The following MRTFB variants were observed in gnomAD, a reference collection of about 807,000 sequenced individuals.
MRTFB encodes the protein myocardin-related transcription factor B.
MRTFB carries 29 observed loss-of-function variants against 104.2 expected under a neutral mutation model. The ratio of observed to expected loss-of-function variants is 0.28; its 90% CI spans 0.21 to 0.38. MRTFB has a LOEUF of 0.38. Among genes scored for constraint, MRTFB ranks in the 10% least tolerant of loss-of-function variants. The pLI, the probability that MRTFB is intolerant of heterozygous loss-of-function variation, is 1.00. For missense variants in MRTFB, 1,270 were observed against 1,341.6 expected (o/e 0.95, Z 0.83); for synonymous variants, 535 against 519.5 (o/e 1.03, Z -0.41).
the MRTFB span, among the ~76,000 whole-genome samples, chr16:14,048,561 A>G: frequency 1.8e-4 from 27 of 152,324 alleles, no homozygotes; most frequent in Non-Finnish European, 3.4e-4. Flanking sequence ...AGGAAGACAC[A>G]GGGGCCAGAG....
chr16:14,145,810 G>T (rs2038281864), intron 3 of MRTFB, among the ~76,000 whole-genome samples: 1 of 152,210 alleles, frequency 6.6e-6, no homozygotes, highest in Non-Finnish European at 1.5e-5. Flanking sequence ...AGCAGACTGG[G>T]AATAAAAAGG....
At chr16:14,079,229 A>C in intron 1 of MRTFB, 61 bp from the exon 2 acceptor site, 1 of 332,018 alleles carries the variant, frequency 3.0e-6, no homozygotes, top group Non-Finnish European at 5.5e-6. Context: ...CAAGAGACAC[A>C]ACCTTGTCTG....
In MRTFB at chr16:14,252,460, G is replaced by C; in HGVS notation, c.2661G>C (p.Glu887Asp). Residue 887 changes from glutamate to aspartate, a missense_variant, in exon 15 of 17, where the codon GAG becomes GAC. By Grantham distance (45) the Glu-to-Asp change is conservative. Around this residue, in one of 3 missense-constraint regions of MRTFB, gnomAD observed 1,144 missense variants for 1,131.5 expected, o/e 1.01. Transcript: ENST00000571589. Reference sequence around the variant, plus strand: ...CAAAAGATCCCCCCCGCTATGAGGAGGCCATCAAGCAGACACGCAGCACAC... The same window carrying C: ...CAAAAGATCCCCCCCGCTATGAGGACGCCATCAAGCAGACACGCAGCACAC... The part of the protein sequence containing the change: ...AKTKDPPRYE[E>D]AIKQTRSTQA... 6.2e-7 allele frequency: 1 copy of C among 1,613,770 alleles called. No homozygotes were observed. Among genetic ancestry groups the C allele is most frequent in the Non-Finnish European group, 8.5e-7 (1 of 1,179,976 alleles).
intron 3 of MRTFB, chr16:14,152,273 G>C (rs1338056382): frequency 6.6e-6 from 1 of 151,604 alleles, no homozygotes; most frequent in Non-Finnish European, 1.5e-5. Context: ...AATAAATTCA[G>C]AAATTATCTT....
In MRTFB at chr16:14,200,180, G is replaced by C. The variant is rs982387565; in HGVS notation, c.155-10063G>C. 5 of 858,520 alleles carry C rather than the reference G, an allele frequency of 5.8e-6. No individual in the cohort carries two copies. In the African/African-American group the frequency reaches 6.8e-5, roughly 12 times the overall value. 53.2% of individuals were successfully genotyped at this position (858,520 alleles called of 1,614,324 possible). A position where few individuals can be genotyped will look rare whatever the true frequency, so the allele number is the denominator to read the frequency against. On this transcript the variant is annotated intron_variant, in intron 3 of 16. Transcript: ENST00000571589. ...AAAGGATGCCCCCAAAATGAATGAGGATATTCATTATAGCATTATTTGTAA... is the reference window on the plus strand; with the variant it reads ...AAAGGATGCCCCCAAAATGAATGAGCATATTCATTATAGCATTATTTGTAA...
intron 2 of MRTFB, among the ~76,000 whole-genome samples, chr16:14,085,493 G>A (rs938374460): frequency 1.4e-5 from 2 of 144,794 alleles, no homozygotes; most frequent in African/African-American, 5.1e-5. Context: ...GGAAAATACA[G>A]CATTTAATAA....
At chr16:14,224,219 A>G (rs1487043767) in intron 8 of MRTFB, among the ~76,000 whole-genome samples, 1 of 152,192 alleles carries the variant, frequency 6.6e-6, no homozygotes, top group African/African-American at 2.4e-5. Flanking sequence ...CCCTCTTCCA[A>G]CACTTGGGGA....
the MRTFB span, among the ~76,000 whole-genome samples, chr16:14,032,565 A>C: frequency 0.19 from 29,057 of 152,014 alleles, 3,329 homozygotes; most frequent in South Asian, 0.32. Context: ...GAGTTTTGAG[A>C]GCTGTCTTAG....
intron 6 of MRTFB, among the ~76,000 whole-genome samples, chr16:14,216,210 C>T (rs2041417519): frequency 6.6e-6 from 1 of 152,154 alleles, no homozygotes; most frequent in Non-Finnish European, 1.5e-5. Context: ...TTGGGCTTCA[C>T]AAGAATAGTC....
intron 3 of MRTFB, among the ~76,000 whole-genome samples, chr16:14,194,453 G>C (rs1045802642): frequency 6.6e-6 from 1 of 152,144 alleles, no homozygotes; most frequent in Admixed American, 6.5e-5. Context: ...CTTTACCTCC[G>C]AAAGGCCCTT....
intron 9 of MRTFB, among the ~76,000 whole-genome samples, chr16:14,238,041 A>G (rs1369922516): frequency 6.6e-6 from 1 of 152,182 alleles, no homozygotes; most frequent in Non-Finnish European, 1.5e-5. Flanking sequence ...GAGTACAGGC[A>G]TGAAGTGGAC....
chr16:14,186,818 AC>A (rs2039969818), intron 3 of MRTFB: 3 of 1,576,708 alleles, frequency 1.9e-6, no homozygotes, highest in Non-Finnish European at 2.6e-6. Flanking sequence ...GCAACCAGGG[AC>A]CCAGGGACCA....
At chr16:14,042,000 C>T in the MRTFB span, among the ~76,000 whole-genome samples, 3,136 of 152,242 alleles carry the variant, frequency 0.021, 111 homozygotes, top group African/African-American at 0.071. Context: ...CATGGTAATT[C>T]TATTTTTAAT....
At chr16:14,172,400 A>ATG (rs1222301076) in intron 3 of MRTFB, among the ~76,000 whole-genome samples, 1 of 152,180 alleles carries the variant, frequency 6.6e-6, no homozygotes, top group Non-Finnish European at 1.5e-5. Context: ...ATTCCATTGT[A>ATG]TGGTTGTACC....
At chr16:14,006,531 G>A in the MRTFB span, among the ~76,000 whole-genome samples, 1 of 150,576 alleles carries the variant, frequency 6.6e-6, no homozygotes, top group South Asian at 2.1e-4. Flanking sequence ...AAAAAGAAAC[G>A]TTAGAATTAT....
chr16:14,141,267 T>C (rs1213955095), intron 3 of MRTFB: 1 of 152,710 alleles, frequency 6.5e-6, no homozygotes, highest in Non-Finnish European at 1.5e-5. Context: ...GCCTCATCTT[T>C]GTCTACAAAA....
intron 2 of MRTFB, among the ~76,000 whole-genome samples, chr16:14,129,732 C>A (rs1022768460): frequency 6.6e-6 from 1 of 152,140 alleles, no homozygotes; most frequent in Admixed American, 6.5e-5. Flanking sequence ...TATCTCACAC[C>A]CACCAGTAGA....
At chr16:14,062,687 A>G in the MRTFB span, among the ~76,000 whole-genome samples, 2 of 152,182 alleles carry the variant, frequency 1.3e-5, no homozygotes, top group African/African-American at 4.8e-5. Context: ...AGAGGATGTT[A>G]GGTATCCCAC....
In MRTFB at chr16:14,245,640, T is replaced by G. The variant is rs113935526; in HGVS notation, c.1192T>G (p.Ser398Ala). ...TGTGAGAAAGCCAGGACCTCTGCCTTCTAGCCTGGATGACTTAAAGGTGAC... is the reference window on the plus strand; with the variant it reads ...TGTGAGAAAGCCAGGACCTCTGCCTGCTAGCCTGGATGACTTAAAGGTGAC... ...TPVRKPGPLPSSLDDLKVSEL... is the reference protein window; with the variant it reads ...TPVRKPGPLPASLDDLKVSEL... Residue 398 changes from serine to alanine, a missense_variant, in exon 11 of 17, where the codon TCT becomes GCT. Around this residue, in one of 3 missense-constraint regions of MRTFB, gnomAD observed 1,144 missense variants for 1,131.5 expected, o/e 1.01. Transcript: ENST00000571589. The G allele has an allele frequency of 1.2e-6, 2 of 1,613,520 alleles. No homozygotes were observed. The highest frequency in any genetic ancestry group is 1.7e-6 in the Non-Finnish European group (2 of 1,179,912).
Sources: allele counts gnomAD v4.1 joint callset (sites outside exome capture counted in the v4.1 genomes callset), GRCh38; gene constraint gnomAD v4.1.1; regional missense constraint gnomAD v4.1.1; transcripts MANE v1.5; gene names NCBI Gene and HGNC (gene_info 2026-07-23, HGNC 2026-07-21).